The following MTREX variants were observed in gnomAD, a reference collection of about 807,000 sequenced individuals.
MTREX encodes the protein exosome RNA helicase MTR4.
A neutral mutation model predicts 135.4 loss-of-function variants in MTREX; 76 were observed. That is an observed-to-expected ratio of 0.56 (90% CI 0.47 to 0.68). The LOEUF is 0.68. MTREX is among the 30% of genes least tolerant of loss of function. The pLI is 0.00. For synonymous variants in MTREX, 404 were observed against 401.6 expected (o/e 1.01, Z -0.07); for missense variants, 920 against 1,262.1 (o/e 0.73, Z 4.11).
intron 25 of MTREX, among the ~76,000 whole-genome samples, chr5:55,420,925 C>A (rs112939614): frequency 0.01 from 1,539 of 152,162 alleles, 22 homozygotes; most frequent in African/African-American, 0.036. Context: ...CAGTAACTGA[C>A]TTGTATACTT....
At chr5:55,344,422 A>G (rs1749698050) in intron 8 of MTREX, 100 bp from the exon 9 acceptor site, 3 of 753,624 alleles carry the variant, frequency 4.0e-6, no homozygotes. Flanking sequence ...GAAATGTTGA[A>G]TTCATTACTT....
intron 1 of MTREX, among the ~76,000 whole-genome samples, chr5:55,318,474 A>G (rs1203267740): frequency 3.3e-5 from 5 of 152,254 alleles, no homozygotes; most frequent in African/African-American, 4.8e-5. Flanking sequence ...TTGCAGGAAC[A>G]TGGATGGAGC....
chr5:55,324,360 T>C (rs1054325892), intron 3 of MTREX, 162 bp downstream of exon 3: 21 of 376,742 alleles, frequency 5.6e-5, no homozygotes, highest in Non-Finnish European at 9.6e-5. Flanking sequence ...GTAATTAAAC[T>C]TGGGTTCAGA....
At chr5:55,366,060 G>A (rs775599147) in intron 15 of MTREX, among the ~76,000 whole-genome samples, 3 of 151,650 alleles carry the variant, frequency 2.0e-5, no homozygotes, top group Non-Finnish European at 4.4e-5. Context: ...AACTATTTTG[G>A]GTATAAACCT....
rs981430232 is a variant in MTREX at position 55,423,096 on chromosome 5, A to C, written c.3076+114A>C. ...TTGAGATGTTCTTCACTGCATTGTCATGGAGAGCTATCTACTAGTGTTTCT... is the reference window on the plus strand; with the variant it reads ...TTGAGATGTTCTTCACTGCATTGTCCTGGAGAGCTATCTACTAGTGTTTCT... On this transcript the variant is annotated intron_variant, in intron 26 of 26. Transcript: ENST00000230640. 9 of 728,018 alleles carry C rather than the reference A, an allele frequency of 1.2e-5. No homozygotes were observed. In the African/African-American group the frequency reaches 1.6e-4, roughly 13 times the overall value. 45.1% of individuals were successfully genotyped at this position (728,018 alleles called of 1,614,324 possible). A position where few individuals can be genotyped will look rare whatever the true frequency, so the allele number is the denominator to read the frequency against.
chr5:55,330,272 C>T (rs537035065), intron 5 of MTREX, among the ~76,000 whole-genome samples: 11 of 151,876 alleles, frequency 7.2e-5, no homozygotes, highest in Non-Finnish European at 1.5e-4. Flanking sequence ...GATGAAATCT[C>T]GCTATGTTGC....
Position 55,347,031 on chromosome 5 carries a change from A to G in MTREX, c.1127A>G (p.Lys376Arg). 2 of 1,608,570 alleles carry G rather than the reference A, an allele frequency of 1.2e-6. No individual in the cohort carries two copies. The highest frequency in any genetic ancestry group is 2.2e-5 in the East Asian group (1 of 44,516). Reference protein sequence around the residue: ...GGTKGPSNVFKIVKMIMERNF... With the variant: ...GGTKGPSNVFRIVKMIMERNF... ...TTTGCAGGACCATCAAATGTTTTCA[A>G]AATTGTGAAGATGATTATGGAAAGA... Residue 376 changes from lysine to arginine, a missense_variant, in exon 11 of 27, where the codon AAA becomes AGA. By Grantham distance (26) the Lys-to-Arg change is conservative (BLOSUM62 2). Coordinates refer to ENST00000230640, the MANE Select transcript of MTREX (RefSeq NM_015360.5).
chr5:55,328,929 CT>C, intron 5 of MTREX, 118 bp downstream of exon 5: 1 of 564,208 alleles, frequency 1.8e-6, no homozygotes, highest in Middle Eastern at 2.9e-4. Context: ...TGAACAATTT[CT>C]TTTTCATGTC....
Position 55,350,969 on chromosome 5 carries a change from T to A in MTREX, c.1371T>A (p.Gly457=). ...LLKRGIGIHH[G]GLLPILKETI... The stretch of plus-strand genomic sequence containing the variant: ...AGAGGGGAATTGGTATTCACCATGG[T>A]GGTTTACTTCCTATTTTGAAAGAAA... Residue 457 remains glycine, a synonymous_variant, in exon 13 of 27, where the codon GGT becomes GGA. Coordinates refer to ENST00000230640, the MANE Select transcript of MTREX (RefSeq NM_015360.5). The A allele has an allele frequency of 6.2e-7, 1 of 1,608,002 alleles. No individual in the cohort carries two copies. The highest frequency in any genetic ancestry group is 8.5e-7 in the Non-Finnish European group (1 of 1,178,552).
At chr5:55,411,805 T>G (rs1204705336) in intron 23 of MTREX, among the ~76,000 whole-genome samples, 1 of 152,200 alleles carries the variant, frequency 6.6e-6, no homozygotes, top group African/African-American at 2.4e-5. Context: ...TATATCAATT[T>G]CCAAGATAAA....
At chr5:55,329,662 A>G (rs1749438501) in intron 5 of MTREX, among the ~76,000 whole-genome samples, 1 of 152,012 alleles carries the variant, frequency 6.6e-6, no homozygotes, top group African/African-American at 2.4e-5. Context: ...TTTGAAAGGT[A>G]TTTTCCTTTG....
chr5:55,414,506 A>C (rs1345919660), intron 24 of MTREX, among the ~76,000 whole-genome samples: 1 of 152,198 alleles, frequency 6.6e-6, no homozygotes, highest in Non-Finnish European at 1.5e-5. Flanking sequence ...AAGCTTCATA[A>C]TGTAAATAGG....
At chr5:55,388,551 A>T (rs1314813141) in intron 19 of MTREX, among the ~76,000 whole-genome samples, 2 of 152,190 alleles carry the variant, frequency 1.3e-5, no homozygotes, top group East Asian at 3.8e-4. Flanking sequence ...TGAGATATTT[A>T]ACATTTATTA....
chr5:55,349,700 C>A, intron 12 of MTREX, 48 bp downstream of exon 12: 1 of 975,136 alleles, frequency 1.0e-6, no homozygotes, highest in Non-Finnish European at 1.6e-6. Context: ...TAATAGATTG[C>A]ATATATTCAC....
intron 15 of MTREX, among the ~76,000 whole-genome samples, chr5:55,363,175 C>A (rs971018146): frequency 2.6e-5 from 4 of 152,092 alleles, no homozygotes; most frequent in African/African-American, 9.7e-5. Context: ...AAAGTTAGTT[C>A]TGTAACTGTA....
Position 55,400,336 on chromosome 5 carries a change from C to G in MTREX, c.2396C>G (p.Ala799Gly), listed in dbSNP as rs1750704828. The stretch of plus-strand genomic sequence containing the variant: ...AAAAAAGTCATTCAGAAAGTAGAAG[C>G]TTTTGAGCATCGAATGTATTCTCAT... ...GLKKVIQKVEAFEHRMYSHPL... is the reference protein window; with the variant it reads ...GLKKVIQKVEGFEHRMYSHPL... The change falls in exon 21 of 27, where the codon GCT (alanine) becomes GGT (glycine). Residue 799 changes from alanine (A) to glycine (G), a missense_variant. Physicochemically the swap from Ala to Gly is moderately conservative, Grantham distance 60. This residue lies in a region of MTREX where 467 missense variants were observed against 589.7 expected (regional missense o/e 0.79). Transcript: ENST00000230640. 1 of 1,613,090 alleles carries G rather than the reference C, an allele frequency of 6.2e-7. No individual in the cohort carries two copies. The highest frequency in any genetic ancestry group is 1.7e-5 in the Admixed American group (1 of 59,944).
chr5:55,341,388 T>C (rs1038321837), intron 6 of MTREX, among the ~76,000 whole-genome samples: 11 of 152,092 alleles, frequency 7.2e-5, no homozygotes, highest in Admixed American at 2.0e-4. Flanking sequence ...ATATGGAGAG[T>C]AGGGGTGATA....
At chr5:55,340,413 C>T (rs975272570) in intron 6 of MTREX, among the ~76,000 whole-genome samples, 1 of 151,838 alleles carries the variant, frequency 6.6e-6, no homozygotes, top group Admixed American at 6.6e-5. Flanking sequence ...TTTTTTTCTT[C>T]AGGTATTTTT....
chr5:55,382,978 G>C lies in MTREX; in HGVS notation c.2052+3783G>C, dbSNP rs545423443. On this transcript the variant is annotated intron_variant, in intron 18 of 26. Coordinates refer to ENST00000230640, the MANE Select transcript of MTREX (RefSeq NM_015360.5). ...GCTTATAGAAGAAAGGAAAGCCAGT[G>C]TGTATATATAGCTTTTGTTATATTA... Among the ~76,000 whole-genome samples, 144 of 152,302 alleles carry C rather than the reference G, an allele frequency of 9.5e-4. 1 individual carries two copies. The highest frequency in any genetic ancestry group is 1.7e-3 in the Non-Finnish European group (114 of 68,022).
Sources: allele counts gnomAD v4.1 joint callset (sites outside exome capture counted in the v4.1 genomes callset), GRCh38; gene constraint gnomAD v4.1.1; regional missense constraint gnomAD v4.1.1; transcripts MANE v1.5; gene names NCBI Gene and HGNC (gene_info 2026-07-23, HGNC 2026-07-21).